The following TGM6 variants were observed in gnomAD, a reference collection of about 807,000 sequenced individuals.
TGM6 encodes protein-glutamine gamma-glutamyltransferase 6.
TGM6 carries 74 observed loss-of-function variants against 77.5 expected under a neutral mutation model. That is an observed-to-expected ratio of 0.96 (90% CI 0.79 to 1.16). The LOEUF (loss-of-function observed/expected upper bound fraction) is 1.16. Among genes scored for constraint, TGM6 ranks in the 50% most tolerant of loss-of-function variants. TGM6 has a pLI of 0.00. For missense variants in TGM6, 968 were observed against 940.2 expected (o/e 1.03, Z -0.39); for synonymous variants, 383 against 378.9 (o/e 1.01, Z -0.12).
At chr20:2,418,811 T>TC (rs2084835716) in intron 10 of TGM6, among the ~76,000 whole-genome samples, 1 of 151,900 alleles carries the variant, frequency 6.6e-6, no homozygotes, top group South Asian at 2.1e-4. Flanking sequence ...GCGCGGTGGC[T>TC]CACGCCTGTA....
intron 1 of TGM6, among the ~76,000 whole-genome samples, chr20:2,392,269 T>C (rs1333363019): frequency 3.9e-5 from 6 of 152,186 alleles, no homozygotes; most frequent in African/African-American, 1.2e-4. Flanking sequence ...AAGAGGATGC[T>C]TGGGCTGAGA....
At chr20:2,429,781 A>AT (rs1467045654) in intron 10 of TGM6, among the ~76,000 whole-genome samples, 1 of 151,782 alleles carries the variant, frequency 6.6e-6, no homozygotes, top group Admixed American at 6.6e-5. Context: ...AAAAAAAAAA[A>AT]GACTGAGGTT....
intron 1 of TGM6, among the ~76,000 whole-genome samples, chr20:2,383,964 G>A (rs371249106): frequency 6.6e-5 from 10 of 152,056 alleles, no homozygotes; most frequent in African/African-American, 1.9e-4. Context: ...AAAATTAGCC[G>A]GGCATGGTGG....
intron 9 of TGM6, among the ~76,000 whole-genome samples, chr20:2,411,614 G>A (rs1040705912): frequency 9.3e-4 from 141 of 152,072 alleles, no homozygotes; most frequent in African/African-American, 3.4e-3. Flanking sequence ...TTTTTGTCAT[G>A]TTGATTCGTC....
intron 2 of TGM6, among the ~76,000 whole-genome samples, chr20:2,394,967 G>A (rs1010649154): frequency 1.3e-5 from 2 of 152,200 alleles, no homozygotes; most frequent in African/African-American, 2.4e-5. Context: ...GGTTTCAAAG[G>A]ATGCTGTCAC....
At position 2,417,584 on chromosome 20, in the gene TGM6, G is replaced by T. The variant is rs376838053; in HGVS notation, c.1678+11G>T. The T allele has an allele frequency of 6.3e-7, 1 of 1,593,756 alleles. No homozygotes were observed. Among genetic ancestry groups the T allele is most frequent in the Non-Finnish European group, 8.5e-7 (1 of 1,177,096 alleles). On this transcript the variant is annotated intron_variant, in intron 10 of 12. Transcript: ENST00000202625. ...TGGGGCCGCAAGAAGGTAAGTGTAC[G>T]CTGGCTTGGTGGAATCAGGCCAAAC...
intron 10 of TGM6, among the ~76,000 whole-genome samples, chr20:2,430,179 C>T (rs1187060731): frequency 1.3e-5 from 2 of 152,044 alleles, no homozygotes; most frequent in East Asian, 3.9e-4. Flanking sequence ...GAGAAATTAT[C>T]TGGTATTGTG....
chr20:2,397,896 G>T, intron 4 of TGM6, 22 bp from the exon 5 acceptor site: 1 of 1,614,128 alleles, frequency 6.2e-7, no homozygotes, highest in Non-Finnish European at 8.5e-7. Flanking sequence ...CAGCCTCTAA[G>T]CACAGCCTCT....
At chr20:2,391,179 G>A (rs1461062590) in intron 1 of TGM6, among the ~76,000 whole-genome samples, 3 of 151,712 alleles carry the variant, frequency 2.0e-5, no homozygotes, top group African/African-American at 7.3e-5. Context: ...AACCCAGTGA[G>A]CATGACAGCA....
At chr20:2,405,145 G>A (rs568002166) in intron 9 of TGM6, among the ~76,000 whole-genome samples, 2 of 152,244 alleles carry the variant, frequency 1.3e-5, no homozygotes, top group East Asian at 3.9e-4. Flanking sequence ...TTCCCACTCG[G>A]CCTCTCATGT....
At chr20:2,400,470 C>G in intron 7 of TGM6, 26 bp downstream of exon 7, 1 of 1,613,684 alleles carries the variant, frequency 6.2e-7, no homozygotes, top group East Asian at 2.2e-5. Flanking sequence ...AGCCTAGGCC[C>G]GAGGGCTCTG....
rs561357242 is a variant in TGM6, at chr20:2,429,565, T to C, written c.1679-881T>C. Among the ~76,000 whole-genome samples the C allele has an allele frequency of 3.3e-5, 5 of 151,286 alleles. No individual in the cohort carries two copies. The South Asian group carries it at 1.0e-3, about 32-fold the overall frequency. On this transcript the variant is annotated intron_variant, in intron 10 of 12. Transcript: ENST00000202625. ...GCGAGAGGATCATGAGGTCAAAAGA[T>C]CGAGACCATCCTGGCGAACATGGTG...
intron 9 of TGM6, among the ~76,000 whole-genome samples, chr20:2,407,346 T>C (rs1044816291): frequency 6.6e-6 from 1 of 152,164 alleles, no homozygotes; most frequent in Non-Finnish European, 1.5e-5. Context: ...GAGCCAGGCA[T>C]GGTGGCTCAC....
Position 2,406,563 on chromosome 20 carries a change from C to T in TGM6, c.1336+2740C>T, listed in dbSNP as rs1036055524. Among the ~76,000 whole-genome samples the T allele has an allele frequency of 6.0e-5, 9 of 150,842 alleles. No individual in the cohort carries two copies. The South Asian group carries it at 6.3e-4, about 11-fold the overall frequency. ...AGATTTAACTATGACCAGCTGGGTG[C>T]AGTGGCTCACACCTATAATCCCAGC... On this transcript the variant is annotated intron_variant, in intron 9 of 12. Coordinates refer to ENST00000202625, the MANE Select transcript of TGM6 (RefSeq NM_198994.3).
Position 2,432,590 on chromosome 20 carries a change from C to T in TGM6, c.2068C>T (p.His690Tyr), listed in dbSNP as rs1030511761. The T allele has an allele frequency of 6.2e-7, 1 of 1,614,136 alleles. No homozygotes were observed. The highest frequency in any genetic ancestry group is 1.3e-5 in the African/African-American group (1 of 75,036). ...RQLQVDLVSP[H>Y]FPDIKGFVIV... ...GCTGCAGGTGGACCTTGTAAGCCCTCACTTCCCGGACATCAAGGGCTTTGT... is the reference window on the plus strand; with the variant it reads ...GCTGCAGGTGGACCTTGTAAGCCCTTACTTCCCGGACATCAAGGGCTTTGT... Residue 690 changes from histidine (H) to tyrosine (Y), a missense_variant, in exon 13 of 13, where the codon CAC becomes TAC. By Grantham distance (83) the His-to-Tyr change is moderately conservative. Transcript: ENST00000202625.
chr20:2,399,201 T>C (rs781548449), intron 5 of TGM6, among the ~76,000 whole-genome samples: 1 of 151,696 alleles, frequency 6.6e-6, no homozygotes, highest in Non-Finnish European at 1.5e-5. Flanking sequence ...GTTAATATAG[T>C]GTGCACAAAA....
rs201675589 is a variant in TGM6 at position 2,395,464 on chromosome 20, G to A, written c.424+28G>A. The stretch of plus-strand genomic sequence containing the variant: ...AGGAGTGGCCAAGTCCAATGCAGAG[G>A]TTTTTCCAAAAGACATCCTTAGAGG... On this transcript the variant is annotated intron_variant, in intron 3 of 12. Transcript: ENST00000202625. 129 of 1,614,212 alleles carry A rather than the reference G, an allele frequency of 8.0e-5. No homozygotes were observed. The East Asian group carries it at 2.0e-3, about 26-fold the overall frequency.
intron 1 of TGM6, among the ~76,000 whole-genome samples, chr20:2,391,382 C>A (rs1028551824): frequency 6.6e-6 from 1 of 152,066 alleles, no homozygotes; most frequent in African/African-American, 2.4e-5. Context: ...ACAGGCACCC[C>A]AACCAGGAGG....
In TGM6 at chr20:2,394,491, A is replaced by T; in HGVS notation, c.47A>T (p.Asn16Ile). The stretch of plus-strand genomic sequence containing the variant: ...AAGGTGGACTGGCAGCGGTCGAGGA[A>T]TGGCGCTGCCCACCACACCCAGGAG... ...VTKVDWQRSR[N>I]GAAHHTQEYP... The change falls in exon 2 of 13, where the codon AAT becomes ATT. Residue 16 changes from asparagine to isoleucine, a missense_variant. Physicochemically the swap from Asn to Ile is moderately radical, Grantham distance 149. Transcript: ENST00000202625. The T allele has an allele frequency of 6.2e-7, 1 of 1,611,598 alleles. No individual in the cohort carries two copies. Among genetic ancestry groups the T allele is most frequent in the Non-Finnish European group, 8.5e-7 (1 of 1,179,774 alleles).
Sources: allele counts gnomAD v4.1 joint callset (sites outside exome capture counted in the v4.1 genomes callset), GRCh38; gene constraint gnomAD v4.1.1; transcripts MANE v1.5; gene names NCBI Gene and HGNC (gene_info 2026-07-23, HGNC 2026-07-21).